Variants in NEFL observed in about 807,000 individuals in gnomAD.
NEFL encodes neurofilament light polypeptide.
Under a neutral mutation model 51.6 loss-of-function variants are expected in NEFL, and 36 were observed. The observed-to-expected ratio is 0.70, with a 90% CI of 0.53 to 0.92. The LOEUF is 0.92. NEFL is among the 40% of genes least tolerant of loss of function. NEFL has a pLI of 0.00. For synonymous variants in NEFL, 332 were observed against 302.5 expected (o/e 1.10, Z -1.01); for missense variants, 671 against 722.0 (o/e 0.93, Z 0.81).
chr8:24,952,651 A>G lies in NEFL; in HGVS notation c.*159T>C. ...TACTCTGCATAAAGAGGAAATTCAT[A>G]GCACAACATTGAATGTCCAACCTAA... On this transcript the variant is annotated 3_prime_UTR_variant, in exon 4 of 4. Coordinates refer to ENST00000610854, the MANE Select transcript of NEFL (RefSeq NM_006158.5). 8.6e-7 allele frequency: 1 copy of G among 1,168,214 alleles called. No individual in the cohort carries two copies. The highest frequency in any genetic ancestry group is 1.2e-6 in the Non-Finnish European group (1 of 845,236). 72.4% of individuals were successfully genotyped at this position (1,168,214 alleles called of 1,614,324 possible).
chr8:24,951,103 C>A lies in NEFL; in HGVS notation c.*1707G>T, dbSNP rs138944172. On this transcript the variant is annotated 3_prime_UTR_variant, in exon 4 of 4. Transcript: ENST00000610854. ...TAGCTTGCATCTGTTTGAGACTTAC[C>A]ATGTACATCAACCCAGGTCTAGTAA... 2.0e-5 allele frequency: 3 copies of A among 152,662 alleles called. No homozygotes were observed. Among genetic ancestry groups the A allele is most frequent in the African/African-American group, 7.2e-5 (3 of 41,542 alleles). The allele number at this position is 152,662 out of a possible 1,614,324, so 9.5% of individuals were successfully genotyped here. A position where few individuals can be genotyped will look rare whatever the true frequency, so the allele number is the denominator to read the frequency against.
Position 24,955,652 on chromosome 8 carries a change from G to A in NEFL, c.864C>T (p.Thr288=). The A allele has an allele frequency of 6.2e-7, 1 of 1,613,800 alleles. No homozygotes were observed. The highest frequency in any genetic ancestry group is 8.5e-7 in the Non-Finnish European group (1 of 1,179,842). ...CGTCGGTGTTCTTGGCGGCGCTCTC[G>A]GTCAGCACGGTGAAGCGGCTCTTGA... The part of the protein sequence containing the change: ...EWFKSRFTVL[T]ESAAKNTDAV... The change falls in exon 1 of 4, where the codon ACC becomes ACT. Residue 288 remains threonine, a synonymous_variant. Coordinates refer to ENST00000610854, the MANE Select transcript of NEFL (RefSeq NM_006158.5). The surrounding 1 kb of genome is among the most constrained non-coding windows in gnomAD (Gnocchi z 4.0).
rs1554497393 is a variant in NEFL at position 24,953,790 on chromosome 8, A to T, written c.1175T>A (p.Leu392His). 1 of 1,608,994 alleles carries T rather than the reference A, an allele frequency of 6.2e-7. No individual in the cohort carries two copies. ...LDIEIAAYRK[L>H]LEGEETRLSF... is the part of the protein sequence containing the mutation. ...GAGTCGGGTCTCCTCGCCTTCCAAG[A>T]GTTTCCTGGGGATGCAGATGCAAGG... is the stretch of plus-strand genomic sequence containing the variant. Residue 392 changes from leucine (L) to histidine (H), a missense_variant, in exon 3 of 4, where the codon CTC becomes CAC. Transcript: ENST00000610854.
Position 24,955,253 on chromosome 8 carries a change from A to C in NEFL, c.1044+219T>G. 23 of 471,544 alleles carry C rather than the reference A, an allele frequency of 4.9e-5. No individual in the cohort carries two copies. Among genetic ancestry groups the C allele is most frequent in the East Asian group, 1.2e-4 (3 of 25,990 alleles). The allele number at this position is 471,544 out of a possible 1,614,324, so 29.2% of individuals were successfully genotyped here. ...AAGGGCTGGGCAGCTTTAATGCGGA[A>C]CGCCGGTGCAGCAGCACGGAGCACA... is the stretch of plus-strand genomic sequence containing the variant. On this transcript the variant is annotated intron_variant, in intron 1 of 3. Coordinates refer to ENST00000610854, the MANE Select transcript of NEFL (RefSeq NM_006158.5). This position sits in a 1 kb window ranked among gnomAD's most constrained non-coding sequence, Gnocchi z 4.0.
chr8:24,952,777 A>T lies in NEFL; in HGVS notation c.*33T>A. 1 of 1,613,752 alleles carries T rather than the reference A, an allele frequency of 6.2e-7. No homozygotes were observed. The highest frequency in any genetic ancestry group is 1.3e-5 in the African/African-American group (1 of 75,000). On this transcript the variant is annotated 3_prime_UTR_variant, in exon 4 of 4. Transcript: ENST00000610854. Reference sequence around the variant, plus strand: ...GATGGGGTTGACCTGATTTCGGGAGAATTATTCCTGAAATAATTAAGGAAA... The same window carrying T: ...GATGGGGTTGACCTGATTTCGGGAGTATTATTCCTGAAATAATTAAGGAAA...
rs1586126978 is a variant in NEFL at position 24,954,183 on chromosome 8, G to A, written c.1167C>T (p.Tyr389=). ...TGTCTTTGCCCCTCTATTTTCACCT[G>A]TAAGCTGCAATCTCAATATCCAAAG... ...KMALDIEIAA[Y]RKLLEGEETR... The change falls in exon 2 of 4, where the codon TAC becomes TAT. Residue 389 remains tyrosine (Y), a splice_region_variant and synonymous_variant. Coordinates refer to ENST00000610854, the MANE Select transcript of NEFL (RefSeq NM_006158.5). The A allele has an allele frequency of 1.2e-6, 2 of 1,613,762 alleles. No individual in the cohort carries two copies. Among genetic ancestry groups the A allele is most frequent in the East Asian group, 4.5e-5 (2 of 44,846 alleles).
rs777344234 is a variant in NEFL at position 24,952,904 on chromosome 8, T to TCACCTC, written c.1532_1537dup (p.Gly511_Gly512dup). On this transcript the variant is annotated inframe_insertion, in exon 4 of 4. Coordinates refer to ENST00000610854, the MANE Select transcript of NEFL (RefSeq NM_006158.5). ...TTTGGTTTCCTCTCCTTCTTCACCTTCACCTCCTTCTTCTTCTTCTTTTGC... is the reference window on the plus strand; with the variant it reads ...TTTGGTTTCCTCTCCTTCTTCACCTTCACCTCCACCTCCTTCTTCTTCTTCTTTTGC... The TCACCTC allele has an allele frequency of 1.2e-5, 19 of 1,607,008 alleles. No individual in the cohort carries two copies. The highest frequency in any genetic ancestry group is 1.6e-5 in the Non-Finnish European group (19 of 1,173,920).
chr8:24,956,053 T>A lies in NEFL; in HGVS notation c.463A>T (p.Asn155Tyr). 6.2e-7 allele frequency: 1 copy of A among 1,604,392 alleles called. No homozygotes were observed. Among genetic ancestry groups the A allele is most frequent in the South Asian group, 1.1e-5 (1 of 90,318 alleles). ...DLRLAAEDAT[N>Y]EKQALQGERE... ...TCGCCCTGGAGCGCCTGCTTCTCGTTGGTGGCATCTTCCGCCGCCAGGCGC... is the reference window on the plus strand; with the variant it reads ...TCGCCCTGGAGCGCCTGCTTCTCGTAGGTGGCATCTTCCGCCGCCAGGCGC... The change falls in exon 1 of 4, where the codon AAC (asparagine) becomes TAC (tyrosine). Residue 155 changes from asparagine to tyrosine, a missense_variant. Coordinates refer to ENST00000610854, the MANE Select transcript of NEFL (RefSeq NM_006158.5). The surrounding 1 kb of genome is among the most constrained non-coding windows in gnomAD (Gnocchi z 5.9).
Position 24,956,136 on chromosome 8 carries a change from T to C in NEFL, c.380A>G (p.Gln127Arg), listed in dbSNP as rs1803050982. 1 of 1,609,546 alleles carries C rather than the reference T, an allele frequency of 6.2e-7. No individual in the cohort carries two copies. The highest frequency in any genetic ancestry group is 1.1e-5 in the South Asian group (1 of 90,348). Residue 127 changes from glutamine (Q) to arginine (R), a missense_variant, in exon 1 of 4, where the codon CAG becomes CGG. By Grantham distance (43) the Gln-to-Arg change is conservative (BLOSUM62 1). Transcript: ENST00000610854. This position sits in a 1 kb window ranked among gnomAD's most constrained non-coding sequence, Gnocchi z 5.9. Reference protein sequence around the residue: ...VLEAELLVLRQKHSEPSRFRA... With the variant: ...VLEAELLVLRRKHSEPSRFRA... ...GAAGCGGGATGGCTCGGAGTGCTTC[T>C]GGCGCAGCACCAGCAGCTCGGCTTC...
At position 24,955,420 on chromosome 8, in the gene NEFL, T is replaced by TGGG; in HGVS notation, c.1044+51_1044+52insCCC. On this transcript the variant is annotated intron_variant, in intron 1 of 3. Coordinates refer to ENST00000610854, the MANE Select transcript of NEFL (RefSeq NM_006158.5). This position sits in a 1 kb window ranked among gnomAD's most constrained non-coding sequence, Gnocchi z 4.0. ...GTCTCCACTTTCTGGGCGCACCAAC[T>TGGG]CCCCCCCTTGCTCGAGTCCCCCGCC... 3.5e-5 allele frequency: 34 copies of TGGG among 966,214 alleles called. No homozygotes were observed. Among genetic ancestry groups the TGGG allele is most frequent in the Non-Finnish European group, 4.8e-5 (31 of 650,684 alleles). 59.9% of individuals were successfully genotyped at this position (966,214 alleles called of 1,614,324 possible). A position where few individuals can be genotyped will look rare whatever the true frequency, so the allele number is the denominator to read the frequency against.
rs188213183 is a variant in NEFL at position 24,956,234 on chromosome 8, G to C, written c.282C>G (p.Leu94=). The C allele has an allele frequency of 6.2e-7, 1 of 1,611,930 alleles. No individual in the cohort carries two copies. Among genetic ancestry groups the C allele is most frequent in the Admixed American group, 1.7e-5 (1 of 59,728 alleles). ...KSIRTQEKAQ[L]QDLNDRFASF... ...TGGCGAAGCGGTCATTGAGGTCCTG[G>C]AGCTGCGCCTTCTCCTGCGTGCGGA... Residue 94 remains leucine (L), a synonymous_variant, in exon 1 of 4, where the codon CTC becomes CTG. Coordinates refer to ENST00000610854, the MANE Select transcript of NEFL (RefSeq NM_006158.5). This position sits in a 1 kb window ranked among gnomAD's most constrained non-coding sequence, Gnocchi z 5.9.
rs1586128391 is a variant in NEFL at position 24,955,839 on chromosome 8, A to G, written c.677T>C (p.Val226Ala). 3.7e-6 allele frequency: 6 copies of G among 1,610,758 alleles called. No homozygotes were observed. In the Admixed American group the frequency reaches 8.3e-5, roughly 22 times the overall value. Reference protein sequence around the residue: ...LMDEISFLKKVHEEEIAELQA... With the variant: ...LMDEISFLKKAHEEEIAELQA... ...CAGTTCGGCGATCTCCTCTTCGTGC[A>G]CTTTCTTCAGAAAAGAGATTTCGTC... Residue 226 changes from valine (V) to alanine (A), a missense_variant, in exon 1 of 4, where the codon GTG becomes GCG. Physicochemically the swap from Val to Ala is moderately conservative, Grantham distance 64. Coordinates refer to ENST00000610854, the MANE Select transcript of NEFL (RefSeq NM_006158.5). The surrounding 1 kb of genome is among the most constrained non-coding windows in gnomAD (Gnocchi z 4.0).
Position 24,956,300 on chromosome 8 carries a change from G to A in NEFL, c.216C>T (p.Asp72=), listed in dbSNP as rs1411798677. 1 of 1,610,900 alleles carries A rather than the reference G, an allele frequency of 6.2e-7. No individual in the cohort carries two copies. The highest frequency in any genetic ancestry group is 8.5e-7 in the Non-Finnish European group (1 of 1,178,738). Residue 72 remains aspartate (D), a synonymous_variant, in exon 1 of 4, where the codon GAC becomes GAT. Transcript: ENST00000610854. This position sits in a 1 kb window ranked among gnomAD's most constrained non-coding sequence, Gnocchi z 5.9. ...TGCTGATGGCGGCTACCTGGCTCAG[G>A]TCGAGGTTCTCCAGACTGGGCATCA... ...GSLMPSLENL[D]LSQVAAISND...
At position 24,955,750 on chromosome 8, in the gene NEFL, C is replaced by G; in HGVS notation, c.766G>C (p.Ala256Pro). Residue 256 changes from alanine (A) to proline (P), a missense_variant, in exon 1 of 4, where the codon GCC (alanine) becomes CCC (proline). Physicochemically the swap from Ala to Pro is conservative, Grantham distance 27. Coordinates refer to ENST00000610854, the MANE Select transcript of NEFL (RefSeq NM_006158.5). This position sits in a 1 kb window ranked among gnomAD's most constrained non-coding sequence, Gnocchi z 4.0. ...TGCGCGCGGATGTCCTTGAGCGCGGCGGAAAGGTCGGGCTTGGTCACGTCC... is the reference window on the plus strand; with the variant it reads ...TGCGCGCGGATGTCCTTGAGCGCGGGGGAAAGGTCGGGCTTGGTCACGTCC... Reference protein sequence around the residue: ...EMDVTKPDLSAALKDIRAQYE... With the variant: ...EMDVTKPDLSPALKDIRAQYE... 1 of 1,613,522 alleles carries G rather than the reference C, an allele frequency of 6.2e-7. No homozygotes were observed. The highest frequency in any genetic ancestry group is 2.2e-5 in the East Asian group (1 of 44,844).
intron 3 of NEFL, 100 bp downstream of exon 3, chr8:24,953,376 T>C: frequency 1.3e-6 from 2 of 1,532,506 alleles, no homozygotes; most frequent in East Asian, 4.9e-5. Context: ...TAATGTCATA[T>C]ATGAATAAAT....
chr8:24,951,003 C>G lies in NEFL; in HGVS notation c.*1807G>C, dbSNP rs972242802. 2 of 152,600 alleles carry G rather than the reference C, an allele frequency of 1.3e-5. No homozygotes were observed. The highest frequency in any genetic ancestry group is 4.8e-5 in the African/African-American group (2 of 41,446). The allele number at this position is 152,600 out of a possible 1,614,324, so 9.5% of individuals were successfully genotyped here. A position where few individuals can be genotyped will look rare whatever the true frequency, so the allele number is the denominator to read the frequency against. On this transcript the variant is annotated 3_prime_UTR_variant, in exon 4 of 4. Coordinates refer to ENST00000610854, the MANE Select transcript of NEFL (RefSeq NM_006158.5). ...ATGGCACACAGGATAGAGGATGGTA[C>G]AGTTTTCTTACTTCAACCAAGTAAT...
At position 24,956,029 on chromosome 8, in the gene NEFL, C is replaced by A. The variant is rs876661155; in HGVS notation, c.487G>T (p.Glu163Ter). Residue 163 changes from glutamate to a stop codon, truncating the protein, a stop_gained, in exon 1 of 4, where the codon GAG (glutamate) becomes TAG (stop). Transcript: ENST00000610854. LOFTEE classifies it high-confidence loss of function. This position sits in a 1 kb window ranked among gnomAD's most constrained non-coding sequence, Gnocchi z 5.9. ...AGGGTCTCCTCCAGCCCTTCGCGCT[C>A]GCCCTGGAGCGCCTGCTTCTCGTTG... ...ATNEKQALQG[E>*]REGLEETLRN... The A allele has an allele frequency of 6.2e-7, 1 of 1,604,028 alleles. No homozygotes were observed. The highest frequency in any genetic ancestry group is 8.5e-7 in the Non-Finnish European group (1 of 1,178,884).
Position 24,955,442 on chromosome 8 carries a change from C to T in NEFL, c.1044+30G>A. 6.7e-7 allele frequency: 1 copy of T among 1,493,760 alleles called. No individual in the cohort carries two copies. The highest frequency in any genetic ancestry group is 9.1e-7 in the Non-Finnish European group (1 of 1,102,688). 92.5% of individuals were successfully genotyped at this position (1,493,760 alleles called of 1,614,324 possible). On this transcript the variant is annotated intron_variant, in intron 1 of 3. Coordinates refer to ENST00000610854, the MANE Select transcript of NEFL (RefSeq NM_006158.5). This position sits in a 1 kb window ranked among gnomAD's most constrained non-coding sequence, Gnocchi z 4.0. The stretch of plus-strand genomic sequence containing the variant: ...AACTCCCCCCCTTGCTCGAGTCCCC[C>T]GCCCCCCTGTGTTTCTGGCCGTGCC...
chr8:24,953,137 T>A (rs1802992546), intron 3 of NEFL, among the ~76,000 whole-genome samples, 185 bp from the exon 4 acceptor site: 1 of 152,210 alleles, frequency 6.6e-6, no homozygotes, highest in Non-Finnish European at 1.5e-5. Flanking sequence ...TGAACACATA[T>A]TTAAATCGAA....
Sources: allele counts gnomAD v4.1 joint callset (sites outside exome capture counted in the v4.1 genomes callset), GRCh38; gene constraint gnomAD v4.1.1; non-coding constraint Gnocchi (gnomAD v3.1); transcripts MANE v1.5; gene names NCBI Gene and HGNC (gene_info 2026-07-23, HGNC 2026-07-21).